The following ENPP1 variants were observed in gnomAD, a reference collection of about 807,000 sequenced individuals.
The protein encoded by ENPP1 is ectonucleotide pyrophosphatase/phosphodiesterase family member 1.
Under a neutral mutation model 122.8 loss-of-function variants are expected in ENPP1, and 73 were observed. That is an observed-to-expected ratio of 0.59 (90% CI 0.49 to 0.72). The LOEUF is 0.72. ENPP1 is among the 30% of genes least tolerant of loss of function. ENPP1 has a pLI of 0.00. For missense variants in ENPP1, 978 were observed against 1,128.1 expected (o/e 0.87, Z 1.91); for synonymous variants, 367 against 391.6 (o/e 0.94, Z 0.74).
At chr6:131,855,994 G>A (rs1781941529) in intron 6 of ENPP1, among the ~76,000 whole-genome samples, 1 of 151,876 alleles carries the variant, frequency 6.6e-6, no homozygotes, top group South Asian at 2.1e-4. Flanking sequence ...TATGTGAGGT[G>A]CTTTAAACAT....
intron 1 of ENPP1, among the ~76,000 whole-genome samples, chr6:131,825,108 T>C (rs1373361106): frequency 6.6e-6 from 1 of 152,134 alleles, no homozygotes; most frequent in Non-Finnish European, 1.5e-5. Context: ...TGGAAATCAC[T>C]GAAATATTTT....
chr6:131,882,289 G>A (rs1782320742), intron 20 of ENPP1, 56 bp from the exon 21 acceptor site: 7 of 1,496,126 alleles, frequency 4.7e-6, no homozygotes, highest in East Asian at 2.4e-5. Flanking sequence ...TATTAATAAA[G>A]CAATTTTCTT....
At chr6:131,847,906 CA>C in intron 2 of ENPP1, 58 bp downstream of exon 2, 5 of 1,247,188 alleles carry the variant, frequency 4.0e-6, no homozygotes, top group Non-Finnish European at 5.8e-6. Flanking sequence ...TGTGTGTGCA[CA>C]GCCTTATTAA....
intron 1 of ENPP1, among the ~76,000 whole-genome samples, chr6:131,831,826 C>T (rs959769297): frequency 6.6e-6 from 1 of 152,116 alleles, no homozygotes; most frequent in Non-Finnish European, 1.5e-5. Flanking sequence ...TAAAGATACT[C>T]TTTTTTGTCC....
At chr6:131,819,454 G>A (rs1204643139) in intron 1 of ENPP1, among the ~76,000 whole-genome samples, 2 of 152,142 alleles carry the variant, frequency 1.3e-5, no homozygotes. Context: ...TAAATACACA[G>A]CCTTTTAGTT....
intron 22 of ENPP1, among the ~76,000 whole-genome samples, 159 bp downstream of exon 22, chr6:131,883,933 C>G (rs957674304): frequency 3.9e-5 from 6 of 152,112 alleles, no homozygotes; most frequent in Non-Finnish European, 5.9e-5. Context: ...AAAAATTCTA[C>G]AAATTATTAG....
In ENPP1 at chr6:131,869,358, G is replaced by T; in HGVS notation, c.1274G>T (p.Gly425Val). 6.2e-7 allele frequency: 1 copy of T among 1,612,824 alleles called. No individual in the cohort carries two copies. Among genetic ancestry groups the T allele is most frequent in the Non-Finnish European group, 8.5e-7 (1 of 1,179,358 alleles). Residue 425 changes from glycine to valine, a missense_variant and splice_region_variant, in exon 13 of 25, where the codon GGC becomes GTC. Physicochemically the swap from Gly to Val is moderately radical, Grantham distance 109 (BLOSUM62 -3). Coordinates refer to ENST00000647893, the MANE Select transcript of ENPP1 (RefSeq NM_006208.3). Reference sequence around the variant, plus strand: ...TTTTGGGATTTTTTTTTTCTCCTAGGCATGGAACAAGGCAGTTGTAAGAAA... The same window carrying T: ...TTTTGGGATTTTTTTTTTCTCCTAGTCATGGAACAAGGCAGTTGTAAGAAA... ...CLNLILISDH[G>V]MEQGSCKKYI...
chr6:131,864,481 T>G (rs746095600), intron 9 of ENPP1, 25 bp from the exon 10 acceptor site: 34 of 1,511,446 alleles, frequency 2.2e-5, no homozygotes, highest in Non-Finnish European at 3.1e-5. Flanking sequence ...AGCCATCTTT[T>G]ATTTTTGTTT....
At chr6:131,839,605 C>CA (rs2114679919) in intron 1 of ENPP1, among the ~76,000 whole-genome samples, 1 of 152,210 alleles carries the variant, frequency 6.6e-6, no homozygotes, top group African/African-American at 2.4e-5. Context: ...TACATGGGTC[C>CA]ATTGGAGAAA....
intron 20 of ENPP1, among the ~76,000 whole-genome samples, chr6:131,880,415 T>G (rs1479032300): frequency 1.3e-5 from 2 of 151,756 alleles, no homozygotes; most frequent in Non-Finnish European, 2.9e-5. Flanking sequence ...TATAAAAAAA[T>G]TAGCCGGGCG....
intron 16 of ENPP1, among the ~76,000 whole-genome samples, chr6:131,875,356 A>G (rs1343994612): frequency 6.6e-6 from 1 of 152,172 alleles, no homozygotes; most frequent in East Asian, 1.9e-4. Context: ...GCTATAATAG[A>G]TAAGAAAGTA....
intron 1 of ENPP1, among the ~76,000 whole-genome samples, chr6:131,842,953 A>G (rs1373239324): frequency 6.6e-6 from 1 of 152,192 alleles, no homozygotes; most frequent in African/African-American, 2.4e-5. Flanking sequence ...TTAGTTAACT[A>G]AAGAAGCAGG....
At chr6:131,810,923 C>T (rs1421400489) in intron 1 of ENPP1, among the ~76,000 whole-genome samples, 2 of 152,144 alleles carry the variant, frequency 1.3e-5, no homozygotes, top group African/African-American at 4.8e-5. Context: ...GCTTTAGAGG[C>T]TTTTGGCCCT....
At chr6:131,851,746 G>A (rs1585816171) in intron 4 of ENPP1, among the ~76,000 whole-genome samples, 1 of 152,208 alleles carries the variant, frequency 6.6e-6, no homozygotes. Flanking sequence ...CTATTATGAT[G>A]TCTTGTCCAG....
rs116194000 is a variant in ENPP1, at chr6:131,826,782, A to G, written c.240+18507A>G. On this transcript the variant is annotated intron_variant, in intron 1 of 24. Transcript: ENST00000647893. ...CAAGTAGAGGGTCCTTGGATATTTT[A>G]AGTCCTGAAAGCCGTCTAACTGCAC... is the stretch of plus-strand genomic sequence containing the variant. 6.7e-3 allele frequency: 2,974 copies of G among 440,620 alleles called. 77 individuals are homozygous for G. Among genetic ancestry groups the G allele is most frequent in the African/African-American group, 0.055 (2,742 of 50,206 alleles). 27.3% of individuals were successfully genotyped at this position (440,620 alleles called of 1,614,324 possible). A position where few individuals can be genotyped will look rare whatever the true frequency, so the allele number is the denominator to read the frequency against.
chr6:131,837,533 A>C (rs1325413386), intron 1 of ENPP1, among the ~76,000 whole-genome samples: 2 of 151,116 alleles, frequency 1.3e-5, no homozygotes, highest in Admixed American at 1.3e-4. Context: ...AAAAAAAAAA[A>C]AAAAAAAAAA....
At chr6:131,829,634 G>A (rs1781586033) in intron 1 of ENPP1, among the ~76,000 whole-genome samples, 1 of 152,136 alleles carries the variant, frequency 6.6e-6, no homozygotes, top group South Asian at 2.1e-4. Flanking sequence ...ATTTAATATA[G>A]GAAACAAATA....
At chr6:131,832,905 T>C (rs937408845) in intron 1 of ENPP1, among the ~76,000 whole-genome samples, 1 of 152,236 alleles carries the variant, frequency 6.6e-6, no homozygotes, top group African/African-American at 2.4e-5. Context: ...TACATAAGTT[T>C]AAAATAATTG....
chr6:131,868,391 C>T (rs1002633141), intron 12 of ENPP1, among the ~76,000 whole-genome samples: 7 of 152,102 alleles, frequency 4.6e-5, no homozygotes, highest in African/African-American at 1.7e-4. Flanking sequence ...ATTTGTGTAA[C>T]TCTACAATTT....
Sources: gnomAD v4.1 joint callset for allele counts (sites outside exome capture counted in the v4.1 genomes callset) on GRCh38, gnomAD v4.1.1 for gene constraint, MANE v1.5 for transcripts, NCBI Gene and HGNC (gene_info 2026-07-23, HGNC 2026-07-21) for gene names.